The following C12orf56 variants were observed in gnomAD, a reference collection of about 807,000 sequenced individuals.
C12orf56 encodes chromosome 12 open reading frame 56.
A neutral mutation model predicts 69.9 loss-of-function variants in C12orf56; 71 were observed. That is an observed-to-expected ratio of 1.02 (90% CI 0.84 to 1.24). C12orf56 has a LOEUF of 1.24. Among genes scored for constraint, C12orf56 ranks in the 50% most tolerant of loss-of-function variants. C12orf56 has a pLI of 0.00. For synonymous variants in C12orf56, 276 were observed against 274.1 expected (o/e 1.01, Z -0.07); for missense variants, 732 against 738.5 (o/e 0.99, Z 0.10).
chr12:64,378,174 C>T (rs2039666066), intron 1 of C12orf56, among the ~76,000 whole-genome samples: 1 of 152,222 alleles, frequency 6.6e-6, no homozygotes, highest in South Asian at 2.1e-4. Flanking sequence ...TTACTGTTTT[C>T]CTTTCTTCCA....
chr12:64,275,130 A>G (rs529573954), intron 10 of C12orf56, 155 bp from the exon 11 acceptor site: 5 of 786,210 alleles, frequency 6.4e-6, no homozygotes, highest in Non-Finnish European at 9.8e-6. Flanking sequence ...AGCAAAGTTC[A>G]TATCATTGAA....
At position 64,275,801 on chromosome 12, in the gene C12orf56, T is replaced by C. The variant is rs372284346; in HGVS notation, c.1435-429A>G. On this transcript the variant is annotated intron_variant, in intron 9 of 12. Coordinates refer to ENST00000543942, the MANE Select transcript of C12orf56 (RefSeq NM_001170633.2). The stretch of plus-strand genomic sequence containing the variant: ...ATTTTTTATTTTTGTAGAGACAGGG[T>C]CTCGCTTGTTGCCCAGGCTGGTATG... Among the ~76,000 whole-genome samples, 32 of 151,950 alleles carry C rather than the reference T, an allele frequency of 2.1e-4. 1 individual carries two copies. In the East Asian group the frequency reaches 5.6e-3, roughly 27 times the overall value.
intron 1 of C12orf56, among the ~76,000 whole-genome samples, chr12:64,363,074 T>C (rs2039419216): frequency 6.6e-6 from 1 of 152,186 alleles, no homozygotes; most frequent in South Asian, 2.1e-4. Context: ...TGCTGTGACT[T>C]AGAATGCCTT....
Position 64,276,774 on chromosome 12 carries a change from G to A in C12orf56, c.1434+906C>T, listed in dbSNP as rs773823614. ...TTTGGGAGGCCGAGACAGGCAAATC[G>A]CTTGAGCTCAGGGATTTGAAACCAA... On this transcript the variant is annotated intron_variant, in intron 9 of 12. Coordinates refer to ENST00000543942, the MANE Select transcript of C12orf56 (RefSeq NM_001170633.2). Among the ~76,000 whole-genome samples, 7 of 151,116 alleles carry A rather than the reference G, an allele frequency of 4.6e-5. No individual in the cohort carries two copies. In the East Asian group the frequency reaches 5.8e-4, roughly 13 times the overall value.
rs2038072580 is a variant in C12orf56, at chr12:64,277,794, T to C, written c.1320A>G (p.Leu440=). 2 of 1,573,004 alleles carry C rather than the reference T, an allele frequency of 1.3e-6. No homozygotes were observed. Among genetic ancestry groups the C allele is most frequent in the Non-Finnish European group, 1.7e-6 (2 of 1,156,638 alleles). Residue 440 remains leucine, a synonymous_variant, in exon 9 of 13, where the codon CTA becomes CTG. Coordinates refer to ENST00000543942, the MANE Select transcript of C12orf56 (RefSeq NM_001170633.2). ...LNTLAAKKGA[L]FNLLVILISE... The stretch of plus-strand genomic sequence containing the variant: ...TAATTAAAATTACCAAGAGATTAAA[T>C]AGTGCTCCCCTGGAAAAAAATAAAT...
At chr12:64,315,542 T>C (rs1190568502) in intron 4 of C12orf56, among the ~76,000 whole-genome samples, 1 of 152,200 alleles carries the variant, frequency 6.6e-6, no homozygotes, top group African/African-American at 2.4e-5. Context: ...TGAAGGAGGC[T>C]CAACTCTTTG....
chr12:64,359,957 C>T (rs553254125), intron 1 of C12orf56, among the ~76,000 whole-genome samples: 7 of 151,952 alleles, frequency 4.6e-5, no homozygotes, highest in Admixed American at 1.3e-4. Flanking sequence ...TTAAGTGATC[C>T]GCCCACCTTG....
chr12:64,338,211 G>GC (rs1565763172), intron 2 of C12orf56: 3 of 575,556 alleles, frequency 5.2e-6, no homozygotes, highest in Non-Finnish European at 3.4e-6. Flanking sequence ...CCCTGAACAA[G>GC]CCCCCCGACT....
At chr12:64,322,899 C>G (rs1035284174) in intron 3 of C12orf56, among the ~76,000 whole-genome samples, 8 of 152,196 alleles carry the variant, frequency 5.3e-5, no homozygotes, top group African/African-American at 1.4e-4. Flanking sequence ...GGAAACTACT[C>G]CTCTCCTCTA....
intron 1 of C12orf56, among the ~76,000 whole-genome samples, chr12:64,360,620 A>G (rs2039387356): frequency 6.6e-6 from 1 of 152,174 alleles, no homozygotes. Context: ...CGGTGAGTAA[A>G]ATTCTATTTT....
intron 1 of C12orf56, among the ~76,000 whole-genome samples, chr12:64,386,398 AT>A (rs768370363): frequency 0.13 from 11,126 of 87,062 alleles, 711 homozygotes; most frequent in South Asian, 0.16. Flanking sequence ...ATATATATAT[AT>A]TTTTTTTTTT....
intron 1 of C12orf56, chr12:64,389,475 AT>A (rs2039838816): frequency 6.6e-6 from 1 of 151,900 alleles, no homozygotes; most frequent in Non-Finnish European, 1.5e-5. Context: ...CTGCTTATTC[AT>A]GCATTTATTC....
intron 1 of C12orf56, among the ~76,000 whole-genome samples, chr12:64,353,934 G>A (rs1252422532): frequency 6.6e-6 from 1 of 152,182 alleles, no homozygotes; most frequent in East Asian, 1.9e-4. Flanking sequence ...ACCTGCCTCG[G>A]CCTCCCAAAG....
At chr12:64,273,636 A>G (rs754059479) in intron 11 of C12orf56, among the ~76,000 whole-genome samples, 11 of 152,332 alleles carry the variant, frequency 7.2e-5, no homozygotes, top group Non-Finnish European at 1.3e-4. Context: ...TGCTTGAAAC[A>G]GCAAAGGTTG....
At chr12:64,302,977 A>G (rs1485397106) in intron 6 of C12orf56, among the ~76,000 whole-genome samples, 2 of 152,090 alleles carry the variant, frequency 1.3e-5, no homozygotes, top group Non-Finnish European at 2.9e-5. Context: ...GTCTATTTAA[A>G]AAATAAACAA....
At chr12:64,308,959 G>GAAAGA (rs1555188262) in intron 5 of C12orf56, among the ~76,000 whole-genome samples, 3 of 109,936 alleles carry the variant, frequency 2.7e-5, no homozygotes, top group Non-Finnish European at 3.9e-5. Flanking sequence ...AAGAAAGAAA[G>GAAAGA]AAAGAAAGAA....
intron 8 of C12orf56, among the ~76,000 whole-genome samples, chr12:64,283,433 CT>C (rs1023198434): frequency 5.9e-5 from 9 of 152,302 alleles, no homozygotes; most frequent in South Asian, 2.1e-4. Context: ...CTGTCCCCCC[CT>C]ATACATTCTT....
chr12:64,334,837 A>G (rs1403789058), intron 2 of C12orf56, among the ~76,000 whole-genome samples: 1 of 152,138 alleles, frequency 6.6e-6, no homozygotes, highest in African/African-American at 2.4e-5. Flanking sequence ...ATATTTCAAA[A>G]TATACCACTA....
rs567206186 is a variant in C12orf56 at position 64,376,144 on chromosome 12, G to C, written c.252+14170C>G. On this transcript the variant is annotated intron_variant, in intron 1 of 12. Transcript: ENST00000543942. ...CTTTTCCACAACAATGTCCGACTGC[G>C]CATCACACAACCAACACTTCAGAAG... is the stretch of plus-strand genomic sequence containing the variant. 2.6e-5 allele frequency among the ~76,000 whole-genome samples: 4 copies of C among 152,282 alleles called. No individual in the cohort carries two copies. The East Asian group carries it at 7.7e-4, about 29-fold the overall frequency.
Sources: allele counts gnomAD v4.1 joint callset (sites outside exome capture counted in the v4.1 genomes callset), GRCh38; gene constraint gnomAD v4.1.1; transcripts MANE v1.5; gene names NCBI Gene and HGNC (gene_info 2026-07-23, HGNC 2026-07-21).